The following RALYL variants were observed in gnomAD, a reference collection of about 807,000 sequenced individuals.
RALYL encodes the protein RNA-binding Raly-like protein.
A neutral mutation model predicts 35.1 loss-of-function variants in RALYL; 29 were observed. The observed-to-expected ratio is 0.83, with a 90% confidence interval of 0.61 to 1.13. The LOEUF (loss-of-function observed/expected upper bound fraction) is 1.13. RALYL is among the 50% of genes most tolerant of loss of function. The pLI is 0.00. For missense variants in RALYL, 359 were observed against 360.4 expected, an observed-to-expected ratio of 1.00 and a Z score of 0.03; for synonymous variants, 120 against 127.6, an observed-to-expected ratio of 0.94 and a Z score of 0.40.
chr8:84,771,924 T>A (rs558834517), intron 2 of RALYL, among the ~76,000 whole-genome samples: 4 of 152,236 alleles, frequency 2.6e-5, no homozygotes, highest in Admixed American at 2.6e-4. Context: ...TTTAAGATTA[T>A]CCTCCCATAT....
chr8:84,443,415 C>T (rs1000419732), intron 1 of RALYL, among the ~76,000 whole-genome samples: 2 of 152,122 alleles, frequency 1.3e-5, no homozygotes, highest in African/African-American at 4.8e-5. Context: ...TGTTTGGAAA[C>T]TCACATCTCA....
chr8:84,394,354 C>A (rs1861337315), intron 1 of RALYL, among the ~76,000 whole-genome samples: 1 of 151,968 alleles, frequency 6.6e-6, no homozygotes, highest in African/African-American at 2.4e-5. Flanking sequence ...GAATCTTTTT[C>A]TTGAAAATGA....
intron 1 of RALYL, among the ~76,000 whole-genome samples, chr8:84,514,112 A>AAAAG (rs1336663746): frequency 4.2e-4 from 59 of 140,076 alleles, no homozygotes; most frequent in East Asian, 1.2e-3. Context: ...AAAAAAAAAA[A>AAAAG]AAAGAAAGAA....
intron 1 of RALYL, among the ~76,000 whole-genome samples, chr8:84,393,731 G>A (rs1861207575): frequency 1.3e-5 from 2 of 152,024 alleles, no homozygotes; most frequent in African/African-American, 4.8e-5. Context: ...TCTTGCTTAA[G>A]TTGTCGCTAA....
At chr8:84,640,131 T>C (rs1402580715) in intron 2 of RALYL, among the ~76,000 whole-genome samples, 1 of 151,980 alleles carries the variant, frequency 6.6e-6, no homozygotes, top group Non-Finnish European at 1.5e-5. Flanking sequence ...GCTCAAAATA[T>C]ATTATTGCAA....
chr8:84,269,374 A>T (rs1483963869), intron 1 of RALYL, among the ~76,000 whole-genome samples: 2 of 152,214 alleles, frequency 1.3e-5, no homozygotes, highest in Non-Finnish European at 2.9e-5. Context: ...CAAATGTGGG[A>T]TGCAGGTCTC....
chr8:84,394,749 C>A (rs910027177), intron 1 of RALYL, among the ~76,000 whole-genome samples: 2 of 151,894 alleles, frequency 1.3e-5, no homozygotes, highest in Non-Finnish European at 2.9e-5. Flanking sequence ...GGAATTCACA[C>A]TCTTTGATAG....
At chr8:84,862,476 T>C (rs780134230) in intron 6 of RALYL, 23 bp downstream of exon 6, 4 of 1,524,576 alleles carry the variant, frequency 2.6e-6, no homozygotes, top group Non-Finnish European at 1.8e-6. Flanking sequence ...CTTCATTTTA[T>C]TTCTCTTTAA....
rs1343582042 is a variant in RALYL at position 84,910,717 on chromosome 8, G to T, written c.859-10177G>T. Among the ~76,000 whole-genome samples, 12 of 151,874 alleles carry T rather than the reference G, an allele frequency of 7.9e-5. 1 individual carries two copies. The highest frequency in any genetic ancestry group is 1.3e-4 in the Non-Finnish European group (9 of 67,956). On this transcript the variant is annotated intron_variant, in intron 8 of 8. Transcript: ENST00000521268. ...TCAGTCCTCTGAAACTTACCTGTGT[G>T]CCAGAGAATCAATCTTTGTTCCTGT...
At chr8:84,257,524 A>G (rs1831424861) in intron 1 of RALYL, among the ~76,000 whole-genome samples, 2 of 152,154 alleles carry the variant, frequency 1.3e-5, no homozygotes, top group Admixed American at 1.3e-4. Flanking sequence ...ATAAAATGCT[A>G]AAAGTTCATA....
intron 2 of RALYL, among the ~76,000 whole-genome samples, chr8:84,715,352 G>A (rs920329137): frequency 6.6e-6 from 1 of 151,678 alleles, no homozygotes; most frequent in Non-Finnish European, 1.5e-5. Context: ...ATTTCAAAAT[G>A]TTATTTATGA....
intron 1 of RALYL, among the ~76,000 whole-genome samples, chr8:84,440,196 G>A (rs945006593): frequency 5.3e-5 from 8 of 151,962 alleles, no homozygotes; most frequent in Non-Finnish European, 1.2e-4. Context: ...TCTTCAGTTC[G>A]CTGACAATAT....
At chr8:84,706,811 T>C (rs1564407783) in intron 2 of RALYL, among the ~76,000 whole-genome samples, 1 of 152,162 alleles carries the variant, frequency 6.6e-6, no homozygotes, top group Non-Finnish European at 1.5e-5. Flanking sequence ...CAAGAAAAGC[T>C]TTACAATCAC....
intron 2 of RALYL, among the ~76,000 whole-genome samples, chr8:84,596,358 C>T (rs902750460): frequency 3.3e-5 from 5 of 152,054 alleles, no homozygotes; most frequent in African/African-American, 1.2e-4. Context: ...AAAACCATAT[C>T]CCTCTTCTGT....
intron 4 of RALYL, among the ~76,000 whole-genome samples, chr8:84,813,079 C>T (rs980336271): frequency 1.3e-5 from 2 of 152,180 alleles, no homozygotes; most frequent in African/African-American, 2.4e-5. Context: ...AGCGAGCTCC[C>T]GGGGCTTTTC....
chr8:84,813,782 G>C (rs1001710629), intron 4 of RALYL, among the ~76,000 whole-genome samples: 1 of 150,492 alleles, frequency 6.6e-6, no homozygotes, highest in East Asian at 1.9e-4. Flanking sequence ...AATACTTTAA[G>C]TTCTAGGGTA....
intron 2 of RALYL, among the ~76,000 whole-genome samples, chr8:84,658,560 A>T (rs1332699464): frequency 2.6e-5 from 4 of 152,200 alleles, no homozygotes; most frequent in Admixed American, 6.5e-5. Flanking sequence ...CATCAGTACT[A>T]GTGATCCCAT....
chr8:84,773,036 A>G (rs1815930495), intron 2 of RALYL, among the ~76,000 whole-genome samples: 1 of 152,134 alleles, frequency 6.6e-6, no homozygotes, highest in Non-Finnish European at 1.5e-5. Flanking sequence ...CTTTTGTCAC[A>G]TATTTGTCAC....
intron 1 of RALYL, among the ~76,000 whole-genome samples, chr8:84,464,137 T>C (rs2051197470): frequency 8.0e-6 from 1 of 125,070 alleles, no homozygotes; most frequent in Non-Finnish European, 1.7e-5. Context: ...ACAAGTTTTT[T>C]TTTTGTTTTT....
Sources: gnomAD v4.1 joint callset for allele counts (sites outside exome capture counted in the v4.1 genomes callset) on GRCh38, gnomAD v4.1.1 for gene constraint, MANE v1.5 for transcripts, NCBI Gene and HGNC (gene_info 2026-07-23, HGNC 2026-07-21) for gene names.